PLXDC2: variants seen among roughly 807,000 people sequenced by gnomAD.
The protein encoded by PLXDC2 is plexin domain containing 2, also known as plexin domain-containing protein 2.
PLXDC2 carries 40 observed loss-of-function variants against 68.9 expected under a neutral mutation model. The observed-to-expected ratio is 0.58, with a 90% confidence interval of 0.45 to 0.76. The LOEUF is 0.76. PLXDC2 is among the 30% of genes least tolerant of loss of function. The probability of loss-of-function intolerance (pLI) is 0.00; values close to 1 mark genes in which losing one functional copy is unlikely to be tolerated. For synonymous variants in PLXDC2, 243 were observed against 234.2 expected (o/e 1.04, Z -0.34); for missense variants, 644 against 661.9 (o/e 0.97, Z 0.30).
chr10:20,004,663 C>G (rs1834997473), intron 2 of PLXDC2, among the ~76,000 whole-genome samples: 1 of 152,132 alleles, frequency 6.6e-6, no homozygotes, highest in South Asian at 2.1e-4. Context: ...AAGAGGAGAA[C>G]ACAGATTCCA....
At chr10:20,266,987 A>C (rs1333968320) in intron 13 of PLXDC2, among the ~76,000 whole-genome samples, 1 of 152,210 alleles carries the variant, frequency 6.6e-6, no homozygotes, top group Non-Finnish European at 1.5e-5. Flanking sequence ...CATCAAACGA[A>C]GTCATTTATA....
In PLXDC2 at chr10:20,143,424, G is replaced by T. The variant is rs1239282910; in HGVS notation, c.664+7G>T. ...GTCAGATATTTTGATAATGGTATGT[G>T]TTGAGTAGCCTATTTTTTGCTGCAT... On this transcript the variant is annotated splice_region_variant and intron_variant, in intron 5 of 13. Coordinates refer to ENST00000377252, the MANE Select transcript of PLXDC2 (RefSeq NM_032812.9). 6.2e-7 allele frequency: 1 copy of T among 1,611,978 alleles called. No individual in the cohort carries two copies. The highest frequency in any genetic ancestry group is 1.7e-5 in the Admixed American group (1 of 59,670).
intron 1 of PLXDC2, among the ~76,000 whole-genome samples, chr10:19,950,161 G>T (rs540405854): frequency 5.3e-5 from 8 of 152,240 alleles, no homozygotes; most frequent in Non-Finnish European, 1.0e-4. Context: ...AATTGTCCTA[G>T]TCTGAGAAAT....
At chr10:19,873,529 C>G (rs544207291) in intron 1 of PLXDC2, among the ~76,000 whole-genome samples, 1 of 149,832 alleles carries the variant, frequency 6.7e-6, no homozygotes, top group African/African-American at 2.5e-5. Flanking sequence ...TCTCCATTCT[C>G]TCTCCTCTAC....
intron 4 of PLXDC2, among the ~76,000 whole-genome samples, chr10:20,131,875 A>G (rs1453611590): frequency 6.6e-6 from 1 of 151,432 alleles, no homozygotes; most frequent in African/African-American, 2.4e-5. Flanking sequence ...CTAACTCTTT[A>G]TTATATCCTT....
chr10:20,065,403 G>A (rs1401381992), intron 3 of PLXDC2, among the ~76,000 whole-genome samples: 1 of 152,110 alleles, frequency 6.6e-6, no homozygotes, highest in Non-Finnish European at 1.5e-5. Context: ...GATTTCAAGT[G>A]GGGGAGTGAT....
At chr10:20,144,511 A>G (rs1834047760) in intron 5 of PLXDC2, among the ~76,000 whole-genome samples, 2 of 152,190 alleles carry the variant, frequency 1.3e-5, no homozygotes, top group South Asian at 4.1e-4. Flanking sequence ...ATGATCCAAT[A>G]TTAGGTAACT....
At position 20,075,189 on chromosome 10, in the gene PLXDC2, A is replaced by G. The variant is rs1836417420; in HGVS notation, c.541+6950A>G. Reference sequence around the variant, plus strand: ...TTCAGTAGCTTGACCATTATTATATATTTATTTCTTTATTTTGTAGACAGG... The same window carrying G: ...TTCAGTAGCTTGACCATTATTATATGTTTATTTCTTTATTTTGTAGACAGG... On this transcript the variant is annotated intron_variant, in intron 4 of 13. Coordinates refer to ENST00000377252, the MANE Select transcript of PLXDC2 (RefSeq NM_032812.9). Among the ~76,000 whole-genome samples, 10 of 152,068 alleles carry G rather than the reference A, an allele frequency of 6.6e-5. No homozygotes were observed. In the South Asian group the frequency reaches 2.1e-3, roughly 32 times the overall value.
At chr10:20,214,834 T>A (rs1450466512) in intron 10 of PLXDC2, among the ~76,000 whole-genome samples, 1 of 152,178 alleles carries the variant, frequency 6.6e-6, no homozygotes, top group Non-Finnish European at 1.5e-5. Context: ...CTAGGTCCTG[T>A]TCATTGACAG....
intron 2 of PLXDC2, among the ~76,000 whole-genome samples, chr10:20,030,421 T>G (rs1835483586): frequency 6.6e-6 from 1 of 152,240 alleles, no homozygotes. Context: ...GCTTCTTCTC[T>G]TACCCTTCTT....
chr10:20,067,364 A>G (rs1220963100), intron 3 of PLXDC2, among the ~76,000 whole-genome samples: 1 of 152,120 alleles, frequency 6.6e-6, no homozygotes, highest in Non-Finnish European at 1.5e-5. Context: ...CTAAATTTGG[A>G]GAGCTGATTG....
chr10:19,931,967 G>GTGTT (rs1209506319), intron 1 of PLXDC2, among the ~76,000 whole-genome samples: 3 of 152,000 alleles, frequency 2.0e-5, no homozygotes, highest in Non-Finnish European at 4.4e-5. Flanking sequence ...GTGTGTGTGT[G>GTGTT]TGTGTGTGTG....
At chr10:20,210,378 T>A (rs1308902751) in intron 9 of PLXDC2, among the ~76,000 whole-genome samples, 1 of 152,152 alleles carries the variant, frequency 6.6e-6, no homozygotes, top group Non-Finnish European at 1.5e-5. Flanking sequence ...TAACCATGGA[T>A]AACTGAAACC....
intron 2 of PLXDC2, among the ~76,000 whole-genome samples, chr10:20,007,687 A>T (rs1456899969): frequency 6.6e-6 from 1 of 152,242 alleles, no homozygotes; most frequent in African/African-American, 2.4e-5. Flanking sequence ...TCTGGTTAAA[A>T]TGCATATTCT....
chr10:19,924,133 C>A (rs1012977767), intron 1 of PLXDC2, among the ~76,000 whole-genome samples: 1 of 152,212 alleles, frequency 6.6e-6, no homozygotes, highest in African/African-American at 2.4e-5. Context: ...CTTATAAAAG[C>A]CTCAGCTTGT....
In PLXDC2 at chr10:19,885,880, A is replaced by C. The variant is rs562247082; in HGVS notation, c.112+68689A>C. On this transcript the variant is annotated intron_variant, in intron 1 of 13. Transcript: ENST00000377252. The stretch of plus-strand genomic sequence containing the variant: ...ATGAACTTTAAAGTAGTTTTTTCCA[A>C]TTCTGTGAAGAAAGTCATTGGTAGC... 1.7e-4 allele frequency among the ~76,000 whole-genome samples: 26 copies of C among 152,022 alleles called. No homozygotes were observed. In the South Asian group the frequency reaches 3.1e-3, roughly 18 times the overall value.
intron 2 of PLXDC2, among the ~76,000 whole-genome samples, chr10:20,025,874 A>C (rs983938711): frequency 6.6e-6 from 1 of 151,790 alleles, no homozygotes; most frequent in South Asian, 2.1e-4. Flanking sequence ...TTGAGTAATA[A>C]TTTTAATTTT....
rs577429155 is a variant in PLXDC2 at position 20,144,447 on chromosome 10, G to A, written c.664+1030G>A. Among the ~76,000 whole-genome samples the A allele has an allele frequency of 1.0e-3, 155 of 152,242 alleles. 8 individuals carry two copies. The South Asian group carries it at 0.031, about 30-fold the overall frequency. On this transcript the variant is annotated intron_variant, in intron 5 of 13. Coordinates refer to ENST00000377252, the MANE Select transcript of PLXDC2 (RefSeq NM_032812.9). The stretch of plus-strand genomic sequence containing the variant: ...TAGCACAATGAGGAAACTAAACATA[G>A]TTAGACATTCACCTTAGGAAATACA...
chr10:19,999,486 A>G (rs1436330525), intron 1 of PLXDC2, among the ~76,000 whole-genome samples: 3 of 140,654 alleles, frequency 2.1e-5, no homozygotes, highest in African/African-American at 5.1e-5. Context: ...CATTTTTTTT[A>G]TCTGGAATCA....
Sources: gnomAD v4.1 joint callset for allele counts (sites outside exome capture counted in the v4.1 genomes callset) on GRCh38, gnomAD v4.1.1 for gene constraint, MANE v1.5 for transcripts, NCBI Gene and HGNC (gene_info 2026-07-23, HGNC 2026-07-21) for gene names.